CORIN: variants seen among roughly 807,000 people sequenced by gnomAD.
CORIN encodes the protein corin, serine peptidase.
Under a neutral mutation model 125.3 loss-of-function variants are expected in CORIN, and 117 were observed. That is an observed-to-expected ratio of 0.93 (90% confidence interval 0.80 to 1.09). The LOEUF (loss-of-function observed/expected upper bound fraction) is 1.09, where lower values mean the gene tolerates loss of function less well. CORIN is among the 50% of genes least tolerant of loss of function. The probability of loss-of-function intolerance (pLI) is 0.00; values close to 1 mark genes in which losing one functional copy is unlikely to be tolerated. For synonymous variants in CORIN, 450 were observed against 466.4 expected (o/e 0.96, Z 0.45); for missense variants, 1,253 against 1,306.7 (o/e 0.96, Z 0.63).
intron 5 of CORIN, among the ~76,000 whole-genome samples, chr4:47,735,202 C>T (rs1284298314): frequency 6.6e-6 from 1 of 152,152 alleles, no homozygotes; most frequent in Non-Finnish European, 1.5e-5. Context: ...CAAGAAATTA[C>T]ATTCTTATGC....
chr4:47,703,914 A>C (rs1726426307), intron 5 of CORIN, among the ~76,000 whole-genome samples: 1 of 152,256 alleles, frequency 6.6e-6, no homozygotes. Context: ...TCAAGTGATC[A>C]ACACACACAG....
intron 3 of CORIN, among the ~76,000 whole-genome samples, chr4:47,769,578 CGAAAA>C (rs922243605): frequency 2.6e-5 from 4 of 151,692 alleles, no homozygotes; most frequent in African/African-American, 9.7e-5. Flanking sequence ...AAAAATTGAG[CGAAAA>C]GAAAACTGAA....
intron 16 of CORIN, among the ~76,000 whole-genome samples, chr4:47,629,613 C>T (rs1722727288): frequency 6.6e-6 from 1 of 152,116 alleles, no homozygotes; most frequent in South Asian, 2.1e-4. Flanking sequence ...TGCATAGAAA[C>T]AACCACTGTA....
intron 5 of CORIN, among the ~76,000 whole-genome samples, chr4:47,728,834 G>T (rs186526661): frequency 6.6e-6 from 1 of 152,180 alleles, no homozygotes; most frequent in Non-Finnish European, 1.5e-5. Flanking sequence ...ATCAACCTAT[G>T]ATCTTGAGCT....
At chr4:47,671,257 A>C (rs1724745527) in intron 10 of CORIN, among the ~76,000 whole-genome samples, 1 of 152,218 alleles carries the variant, frequency 6.6e-6, no homozygotes, top group Non-Finnish European at 1.5e-5. Context: ...CAAGGACAAG[A>C]ATCCCGGCAA....
intron 16 of CORIN, among the ~76,000 whole-genome samples, chr4:47,638,845 T>C (rs751262052): frequency 2.0e-5 from 3 of 152,226 alleles, no homozygotes; most frequent in Middle Eastern, 3.2e-3. Context: ...ACTCTTGAGA[T>C]AGCAACAGAT....
At chr4:47,724,941 G>A (rs539230385) in intron 5 of CORIN, among the ~76,000 whole-genome samples, 82 of 152,264 alleles carry the variant, frequency 5.4e-4, no homozygotes, top group African/African-American at 1.9e-3. Context: ...ATTATACAGG[G>A]TGAGTGAACC....
chr4:47,785,906 T>G (rs1730773726), intron 3 of CORIN, among the ~76,000 whole-genome samples: 1 of 88,112 alleles, frequency 1.1e-5, no homozygotes, highest in Non-Finnish European at 2.2e-5. Flanking sequence ...AGAGACTCCA[T>G]CTCAAAAAAA....
chr4:47,713,985 T>C (rs546564481), intron 5 of CORIN, among the ~76,000 whole-genome samples: 64 of 152,142 alleles, frequency 4.2e-4, no homozygotes, highest in African/African-American at 1.5e-3. Context: ...AATGACTGAA[T>C]TAAAATAGAG....
intron 2 of CORIN, among the ~76,000 whole-genome samples, chr4:47,790,674 T>C (rs61756962): frequency 6.6e-6 from 1 of 152,126 alleles, no homozygotes; most frequent in Non-Finnish European, 1.5e-5. Context: ...TTACTACACA[T>C]TGATGGTAAT....
At chr4:47,674,241 T>C (rs1346959871) in intron 10 of CORIN, 152 bp downstream of exon 10, 1 of 618,128 alleles carries the variant, frequency 1.6e-6, no homozygotes, top group African/African-American at 1.8e-5. Context: ...GTTTCTTTAC[T>C]GCTACCACAT....
chr4:47,772,157 T>A (rs1228602436), intron 3 of CORIN, among the ~76,000 whole-genome samples: 2 of 152,176 alleles, frequency 1.3e-5, no homozygotes, highest in Non-Finnish European at 2.9e-5. Flanking sequence ...TAAACGCACC[T>A]TCATACTTGG....
chr4:47,832,163 G>A (rs573196295), intron 1 of CORIN, among the ~76,000 whole-genome samples: 4 of 152,084 alleles, frequency 2.6e-5, no homozygotes, highest in East Asian at 1.9e-4. Context: ...GAAAATCATC[G>A]GCCATAAAGC....
intron 1 of CORIN, among the ~76,000 whole-genome samples, chr4:47,811,836 A>G (rs1378596070): frequency 1.3e-5 from 2 of 152,174 alleles, no homozygotes; most frequent in Non-Finnish European, 2.9e-5. Flanking sequence ...TTCTGTCTAT[A>G]CTGCTCTGCT....
intron 4 of CORIN, among the ~76,000 whole-genome samples, chr4:47,748,930 T>A (rs1412486785): frequency 6.6e-6 from 1 of 152,174 alleles, no homozygotes; most frequent in Non-Finnish European, 1.5e-5. Context: ...AACTGTAGCA[T>A]AATTATTAGA....
chr4:47,595,415 G>T lies in CORIN; in HGVS notation c.*306C>A, dbSNP rs1335411221. ...TCCATAACCTGTTACTGTAGCACCT[G>T]ATTTTAAATCTCGCCAGAGTCGATA... is the stretch of plus-strand genomic sequence containing the variant. On this transcript the variant is annotated 3_prime_UTR_variant, in exon 22 of 22. Transcript: ENST00000273857. 1 of 201,340 alleles carries T rather than the reference G, an allele frequency of 5.0e-6. No individual in the cohort carries two copies. Among genetic ancestry groups the T allele is most frequent in the Non-Finnish European group, 1.0e-5 (1 of 99,564 alleles). 12.5% of individuals were successfully genotyped at this position (201,340 alleles called of 1,614,324 possible).
At chr4:47,646,390 T>C (rs1723485601) in intron 13 of CORIN, among the ~76,000 whole-genome samples, 2 of 152,180 alleles carry the variant, frequency 1.3e-5, no homozygotes, top group Non-Finnish European at 2.9e-5. Flanking sequence ...ACTTCATCAA[T>C]TAATAAGAGA....
chr4:47,730,543 A>T (rs1727829830), intron 5 of CORIN, among the ~76,000 whole-genome samples: 1 of 150,716 alleles, frequency 6.6e-6, no homozygotes, highest in Non-Finnish European at 1.5e-5. Context: ...CCACCCCCAG[A>T]CCCTGCGGTG....
chr4:47,679,458 G>A (rs1167355974), intron 8 of CORIN: 1 of 151,912 alleles, frequency 6.6e-6, no homozygotes, highest in Non-Finnish European at 1.5e-5. Flanking sequence ...CCACCTCCCT[G>A]GTTCATGCCA....
Sources: allele counts gnomAD v4.1 joint callset (sites outside exome capture counted in the v4.1 genomes callset), GRCh38; gene constraint gnomAD v4.1.1; transcripts MANE v1.5; gene names NCBI Gene and HGNC (gene_info 2026-07-23, HGNC 2026-07-21).